The following ZNF442 variants were observed in gnomAD, a reference collection of about 807,000 sequenced individuals.
ZNF442 encodes zinc finger protein 442.
ZNF442 carries 45 observed loss-of-function variants against 57.0 expected under a neutral mutation model. That is an observed-to-expected ratio of 0.79 (90% CI 0.62 to 1.01). ZNF442 has a LOEUF of 1.01. Among genes scored for constraint, ZNF442 ranks in the 50% least tolerant of loss-of-function variants. The pLI, the probability that ZNF442 is intolerant of heterozygous loss-of-function variation, is 0.00. For missense variants in ZNF442, 690 were observed against 756.5 expected (o/e 0.91, Z 1.03); for synonymous variants, 213 against 241.8 (o/e 0.88, Z 1.10).
intron 3 of ZNF442, among the ~76,000 whole-genome samples, chr19:12,356,645 A>C (rs1661574066): frequency 1.3e-5 from 2 of 151,840 alleles, no homozygotes; most frequent in South Asian, 4.2e-4. Flanking sequence ...AAAGAGAGAG[A>C]GAGAAACAAG....
chr19:12,362,200 G>A (rs1351083037), intron 3 of ZNF442, among the ~76,000 whole-genome samples: 4 of 152,054 alleles, frequency 2.6e-5, no homozygotes, highest in African/African-American at 7.2e-5. Flanking sequence ...GATGTGAGGA[G>A]CCCCTCTGCC....
chr19:12,372,954 A>C, the ZNF442 span, among the ~76,000 whole-genome samples: 4 of 152,164 alleles, frequency 2.6e-5, no homozygotes, highest in Non-Finnish European at 5.9e-5. Flanking sequence ...TTGTATTTTT[A>C]GTAGAGACAG....
At chr19:12,368,845 G>A (rs1310394474), upstream of ZNF442, among the ~76,000 whole-genome samples, 1 of 152,132 alleles carries the variant, frequency 6.6e-6, no homozygotes, top group Non-Finnish European at 1.5e-5. Context: ...TTACAAGTGG[G>A]ATCAGCACCT....
rs529105354 is a variant in ZNF442, at chr19:12,349,721, G to C, written c.1864C>G (p.His622Asp). The C allele has an allele frequency of 8.1e-6, 13 of 1,608,300 alleles. No homozygotes were observed. The highest frequency in any genetic ancestry group is 5.4e-5 in the African/African-American group (4 of 74,634). Reference sequence around the variant, plus strand: ...CACATTTATAGAGTATCTCTCCAGTGAGTCCTTTTATGTCTATGCAAGGAA... The same window carrying C: ...CACATTTATAGAGTATCTCTCCAGTCAGTCCTTTTATGTCTATGCAAGGAA... ...LSSLHRHKRT[H>D]WRDTL Residue 622 changes from histidine (H) to aspartate (D), a missense_variant, in exon 6 of 6, where the codon CAC (histidine) becomes GAC (aspartate). His to Asp is a moderately conservative substitution (Grantham distance 81). Coordinates refer to ENST00000242804, the MANE Select transcript of ZNF442 (RefSeq NM_030824.3).
the ZNF442 span, among the ~76,000 whole-genome samples, chr19:12,373,282 G>A: frequency 6.6e-6 from 1 of 151,452 alleles, no homozygotes. Flanking sequence ...GCTCACGCCT[G>A]TAATCCCAGT....
chr19:12,349,835 A>T lies in ZNF442; in HGVS notation c.1750T>A (p.Ser584Thr), dbSNP rs777131352. ...TTTTCATGTCCTCGAAGGAAACGAGAACGAGTGAAGGCTTTACCACATTGT... is the reference window on the plus strand; with the variant it reads ...TTTTCATGTCCTCGAAGGAAACGAGTACGAGTGAAGGCTTTACCACATTGT... ...CQQCGKAFTR[S>T]RFLRGHEKTH... The change falls in exon 6 of 6, where the codon TCT (serine) becomes ACT (threonine). Residue 584 changes from serine (S) to threonine (T), a missense_variant. Ser to Thr is a moderately conservative substitution (Grantham distance 58, BLOSUM62 1). Coordinates refer to ENST00000242804, the MANE Select transcript of ZNF442 (RefSeq NM_030824.3). The T allele has an allele frequency of 6.2e-7, 1 of 1,613,794 alleles. No individual in the cohort carries two copies.
At chr19:12,363,518 TG>T in intron 3 of ZNF442, 35 bp downstream of exon 3, 1 of 1,604,224 alleles carries the variant, frequency 6.2e-7, no homozygotes, top group East Asian at 2.2e-5. Flanking sequence ...GGGAGGTTCT[TG>T]CACAACTGGA....
chr19:12,355,240 G>A (rs1307994157), intron 3 of ZNF442, among the ~76,000 whole-genome samples: 4 of 142,748 alleles, frequency 2.8e-5, no homozygotes, highest in Non-Finnish European at 4.5e-5. Flanking sequence ...GCAGTGAGCC[G>A]AGATCGCGCC....
At chr19:12,364,672 A>G (rs773160313) in intron 2 of ZNF442, 130 bp downstream of exon 2, 3 of 151,862 alleles carry the variant, frequency 2.0e-5, no homozygotes, top group Non-Finnish European at 4.4e-5. Context: ...TCTCTGAAAA[A>G]CTCGAAGAGG....
At chr19:12,354,756 T>C (rs1325922955) in intron 3 of ZNF442, among the ~76,000 whole-genome samples, 1 of 152,214 alleles carries the variant, frequency 6.6e-6, no homozygotes, top group Admixed American at 6.5e-5. Flanking sequence ...TGATGATTCA[T>C]TTCAACTTAA....
chr19:12,349,756 C>G lies in ZNF442; in HGVS notation c.1829G>C (p.Ser610Thr), dbSNP rs777041514. The G allele has an allele frequency of 6.2e-7, 1 of 1,614,130 alleles. No individual in the cohort carries two copies. Among genetic ancestry groups the G allele is most frequent in the Non-Finnish European group, 8.5e-7 (1 of 1,179,968 alleles). The change falls in exon 6 of 6, where the codon AGT becomes ACT. Residue 610 changes from serine (S) to threonine (T), a missense_variant. Coordinates refer to ENST00000242804, the MANE Select transcript of ZNF442 (RefSeq NM_030824.3). The stretch of plus-strand genomic sequence containing the variant: ...ATGTCTATGCAAGGAACTGAGAGAA[C>G]TCAGTGCCTTCCCACATTCCTTACA... ...HECKECGKAL[S>T]SLSSLHRHKR... is the part of the protein sequence containing the mutation.
intron 4 of ZNF442, among the ~76,000 whole-genome samples, chr19:12,352,521 A>G (rs144493574): frequency 5.7e-4 from 86 of 152,200 alleles, no homozygotes; most frequent in African/African-American, 2.0e-3. Context: ...GTCCACTTAT[A>G]TATGAATTTT....
At chr19:12,369,923 G>C (rs890710215), upstream of ZNF442, among the ~76,000 whole-genome samples, 1 of 151,010 alleles carries the variant, frequency 6.6e-6, no homozygotes, top group East Asian at 1.9e-4. Flanking sequence ...AAAACACGAC[G>C]AGAAAGCTGC....
At chr19:12,359,344 A>G (rs1326517216) in intron 3 of ZNF442, among the ~76,000 whole-genome samples, 5 of 152,204 alleles carry the variant, frequency 3.3e-5, no homozygotes, top group African/African-American at 1.2e-4. Context: ...CAACTCCCCA[A>G]GCCCAGTTCT....
In ZNF442 at chr19:12,349,032, A is replaced by T. The variant is rs1438242606; in HGVS notation, c.*669T>A. 6 of 133,950 alleles carry T rather than the reference A, an allele frequency of 4.5e-5. No homozygotes were observed. Among genetic ancestry groups the T allele is most frequent in the African/African-American group, 1.8e-4 (5 of 28,196 alleles). 8.3% of individuals were successfully genotyped at this position (133,950 alleles called of 1,614,324 possible). ...CCCGTCTCTACTAAAAATACAAAAA[A>T]AAAAAAAAAAAAAAAAAAATTAGCT... On this transcript the variant is annotated 3_prime_UTR_variant, in exon 6 of 6. Transcript: ENST00000242804.
chr19:12,363,693 G>A, intron 2 of ZNF442, 22 bp from the exon 3 acceptor site: 2 of 1,466,876 alleles, frequency 1.4e-6, no homozygotes, highest in South Asian at 2.3e-5. Context: ...GAAGAACAAG[G>A]TGATTGTCCC....
At chr19:12,364,112 C>A (rs1279885333) in intron 2 of ZNF442, among the ~76,000 whole-genome samples, 1 of 152,078 alleles carries the variant, frequency 6.6e-6, no homozygotes, top group East Asian at 1.9e-4. Context: ...GAACACAAAT[C>A]TTTTAAGAAG....
intron 3 of ZNF442, 43 bp downstream of exon 3, chr19:12,363,511 A>G (rs1555756527): frequency 6.3e-7 from 1 of 1,588,494 alleles, no homozygotes; most frequent in South Asian, 1.1e-5. Flanking sequence ...CCTGAATGGG[A>G]GGTTCTTGCA....
rs1969133660 is a variant in ZNF442, at chr19:12,346,581, T to C, written c.*3120A>G. Reference sequence around the variant, plus strand: ...TTATTCTGTGAACCAGCAATTACACTCCTAGGGATACATATATCCAAAAGA... The same window carrying C: ...TTATTCTGTGAACCAGCAATTACACCCCTAGGGATACATATATCCAAAAGA... On this transcript the variant is annotated 3_prime_UTR_variant, in exon 6 of 6. Coordinates refer to ENST00000242804, the MANE Select transcript of ZNF442 (RefSeq NM_030824.3). 6.6e-6 allele frequency: 1 copy of C among 152,172 alleles called. No individual in the cohort carries two copies. Among genetic ancestry groups the C allele is most frequent in the Non-Finnish European group, 1.5e-5 (1 of 68,034 alleles). 9.4% of individuals were successfully genotyped at this position (152,172 alleles called of 1,614,324 possible).
Sources: gnomAD v4.1 joint callset for allele counts (sites outside exome capture counted in the v4.1 genomes callset) on GRCh38, gnomAD v4.1.1 for gene constraint, MANE v1.5 for transcripts, NCBI Gene and HGNC (gene_info 2026-07-23, HGNC 2026-07-21) for gene names.